The following CA10 variants were observed in gnomAD, a reference collection of about 807,000 sequenced individuals.
CA10 encodes the protein carbonic anhydrase 10 (inactive), also known as carbonic anhydrase-related protein 10.
CA10 carries 14 observed loss-of-function variants against 44.2 expected under a neutral mutation model. The observed-to-expected ratio is 0.32, with a 90% CI of 0.21 to 0.50. The LOEUF (loss-of-function observed/expected upper bound fraction) is 0.50. Among genes scored for constraint, CA10 ranks in the 20% least tolerant of loss-of-function variants. The pLI is 0.99. For missense variants in CA10, 350 were observed against 409.7 expected (o/e 0.85, Z 1.26); for synonymous variants, 159 against 141.6 (o/e 1.12, Z -0.87).
rs139264676 is a variant in CA10 at position 52,154,908 on chromosome 17, C to T, written c.61+2818G>A. On this transcript the variant is annotated intron_variant, in intron 1 of 8. Transcript: ENST00000451037. ...AATATGCCAAGCCCAGGTGTCTGTA[C>T]TTTAAGCAATATATCCAAATAGGCC... Among the ~76,000 whole-genome samples, 770 of 152,286 alleles carry T rather than the reference C, an allele frequency of 5.1e-3. 6 individuals are homozygous for T. The highest frequency in any genetic ancestry group is 0.033 in the South Asian group (158 of 4,824).
At chr17:51,924,226 T>C (rs990397316) in intron 3 of CA10, among the ~76,000 whole-genome samples, 6 of 152,264 alleles carry the variant, frequency 3.9e-5, no homozygotes, top group Admixed American at 1.3e-4. Context: ...GAAGGGTATA[T>C]TGTGGCCAAA....
At chr17:51,760,243 A>G (rs1163474824) in intron 3 of CA10, among the ~76,000 whole-genome samples, 2 of 152,230 alleles carry the variant, frequency 1.3e-5, no homozygotes, top group Non-Finnish European at 2.9e-5. Context: ...AGAAATAGCA[A>G]ATGTTTGGGG....
intron 3 of CA10, among the ~76,000 whole-genome samples, chr17:51,854,552 A>C (rs1195869199): frequency 6.6e-6 from 1 of 152,132 alleles, no homozygotes; most frequent in Non-Finnish European, 1.5e-5. Flanking sequence ...GAGATGGCCG[A>C]GGAGTCACTT....
At chr17:52,120,746 G>A (rs1214525142) in intron 1 of CA10, among the ~76,000 whole-genome samples, 1 of 152,172 alleles carries the variant, frequency 6.6e-6, no homozygotes, top group Non-Finnish European at 1.5e-5. Context: ...CCTCATGCAG[G>A]GGGAGAAGGC....
chr17:51,632,866 T>C (rs930449034), intron 8 of CA10, among the ~76,000 whole-genome samples: 3 of 152,172 alleles, frequency 2.0e-5, no homozygotes, highest in Non-Finnish European at 4.4e-5. Context: ...GAGGCAGATG[T>C]CAACTTAAAT....
At chr17:51,948,558 C>T (rs577368858) in intron 2 of CA10, among the ~76,000 whole-genome samples, 2 of 152,310 alleles carry the variant, frequency 1.3e-5, no homozygotes, top group East Asian at 3.9e-4. Flanking sequence ...CTATGAGTCT[C>T]CAGTTCTGTG....
At chr17:51,924,954 A>T (rs1488138786) in intron 3 of CA10, among the ~76,000 whole-genome samples, 1 of 152,184 alleles carries the variant, frequency 6.6e-6, no homozygotes, top group African/African-American at 2.4e-5. Flanking sequence ...TTCAAACAAA[A>T]AACCTGAAGA....
chr17:51,786,698 G>A lies in CA10; in HGVS notation c.280-38880C>T, dbSNP rs555893166. 2.6e-5 allele frequency among the ~76,000 whole-genome samples: 4 copies of A among 152,038 alleles called. No individual in the cohort carries two copies. The East Asian group carries it at 7.7e-4, about 29-fold the overall frequency. On this transcript the variant is annotated intron_variant, in intron 3 of 8. Coordinates refer to ENST00000451037, the MANE Select transcript of CA10 (RefSeq NM_020178.5). ...GTAATATGTTGAGTAAAAACATTGA[G>A]TACTAACATATTACTCAACATATTA...
chr17:51,981,563 G>A (rs1048445870), intron 2 of CA10, among the ~76,000 whole-genome samples: 1 of 151,970 alleles, frequency 6.6e-6, no homozygotes, highest in South Asian at 2.1e-4. Flanking sequence ...CTGGGGTAAT[G>A]AAAGTGTTAT....
chr17:51,738,119 A>G (rs760881643), intron 4 of CA10, among the ~76,000 whole-genome samples: 8 of 152,216 alleles, frequency 5.3e-5, no homozygotes, highest in Non-Finnish European at 1.0e-4. Context: ...AATCAAGTAA[A>G]TGGAATTGAG....
intron 2 of CA10, among the ~76,000 whole-genome samples, chr17:52,004,032 C>T (rs1377675893): frequency 6.6e-6 from 1 of 151,718 alleles, no homozygotes; most frequent in Non-Finnish European, 1.5e-5. Flanking sequence ...CAAAGGGCTG[C>T]TTCCTCGTTA....
chr17:52,012,394 C>A (rs192551019), intron 2 of CA10, among the ~76,000 whole-genome samples: 48 of 152,084 alleles, frequency 3.2e-4, no homozygotes, highest in African/African-American at 1.1e-3. Flanking sequence ...CACATACATG[C>A]ATCTATGAGG....
At chr17:51,717,529 GTATATATATA>G (rs3031848) in intron 4 of CA10, among the ~76,000 whole-genome samples, 2,541 of 50,100 alleles carry the variant, frequency 0.051, 327 homozygotes, top group African/African-American at 0.072. Flanking sequence ...AAAGAAACTG[GTATATATATA>G]TATATATATA....
intron 4 of CA10, among the ~76,000 whole-genome samples, chr17:51,721,140 G>T (rs1427763357): frequency 2.6e-5 from 4 of 151,986 alleles, no homozygotes; most frequent in Non-Finnish European, 5.9e-5. Flanking sequence ...GACCAGCCTG[G>T]CCAACATGGC....
At chr17:51,851,597 C>G (rs956303130) in intron 3 of CA10, among the ~76,000 whole-genome samples, 1 of 152,110 alleles carries the variant, frequency 6.6e-6, no homozygotes, top group African/African-American at 2.4e-5. Context: ...TTTTAAAATT[C>G]TGTATTGAAG....
intron 1 of CA10, among the ~76,000 whole-genome samples, chr17:52,141,299 A>G (rs548920029): frequency 6.6e-6 from 1 of 152,322 alleles, no homozygotes; most frequent in African/African-American, 2.4e-5. Flanking sequence ...AAGGTGCTTG[A>G]AGCATTACTT....
chr17:51,797,124 T>C (rs567727103), intron 3 of CA10, among the ~76,000 whole-genome samples: 7 of 152,210 alleles, frequency 4.6e-5, no homozygotes, highest in African/African-American at 1.7e-4. Context: ...CCAGAGTGCA[T>C]CTCCAGCATC....
At chr17:51,727,464 T>C (rs773373983) in intron 4 of CA10, among the ~76,000 whole-genome samples, 8 of 152,148 alleles carry the variant, frequency 5.3e-5, no homozygotes, top group Non-Finnish European at 1.2e-4. Context: ...AAGATCTTTA[T>C]GAACAGAGAT....
intron 4 of CA10, among the ~76,000 whole-genome samples, chr17:51,717,829 GTATATATATATATATATA>G (rs55932655): frequency 0.038 from 303 of 7,914 alleles, 76 homozygotes; most frequent in African/African-American, 0.097. Context: ...ATATGTGTGT[GTATATATATATATATATA>G]TATATATATA....
Sources: allele counts gnomAD v4.1 joint callset (sites outside exome capture counted in the v4.1 genomes callset), GRCh38; gene constraint gnomAD v4.1.1; transcripts MANE v1.5; gene names NCBI Gene and HGNC (gene_info 2026-07-23, HGNC 2026-07-21).